Variants in ZNF548 observed in about 807,000 individuals in gnomAD.
The protein encoded by ZNF548 is zinc finger protein 548.
In ZNF548, 10 loss-of-function variants were observed where a neutral mutation model predicts 10.2. The ratio of observed to expected loss-of-function variants is 0.98; its 90% confidence interval spans 0.60 to 1.66. The LOEUF is 1.66. ZNF548 is among the 40% of genes most tolerant of loss of function. The pLI is 0.00. For synonymous variants in ZNF548, 217 were observed against 223.5 expected (o/e 0.97, Z 0.26); for missense variants, 599 against 657.0 (o/e 0.91, Z 0.97).
intron 1 of ZNF548, among the ~76,000 whole-genome samples, chr19:57,391,543 G>A (rs898774275): frequency 1.3e-5 from 2 of 151,888 alleles, no homozygotes; most frequent in African/African-American, 4.8e-5. Context: ...TCTTCATACT[G>A]TTTTCCATTG....
At position 57,402,505 on chromosome 19, in the gene ZNF548, T is replaced by C. The variant is rs944174180; in HGVS notation, c.*2616T>C. ...TCTGTGGGACCCTACCCAAGTTCTC[T>C]CATTCTTAGCTATAGGTAATAAATT... On this transcript the variant is annotated 3_prime_UTR_variant, in exon 4 of 4. Coordinates refer to ENST00000336128, the MANE Select transcript of ZNF548 (RefSeq NM_001172773.2). 9 of 152,246 alleles carry C rather than the reference T, an allele frequency of 5.9e-5. No individual in the cohort carries two copies. The highest frequency in any genetic ancestry group is 1.9e-4 in the African/African-American group (8 of 41,472). 9.4% of individuals were successfully genotyped at this position (152,246 alleles called of 1,614,324 possible). A position where few individuals can be genotyped will look rare whatever the true frequency, so the allele number is the denominator to read the frequency against.
At chr19:57,396,234 G>A (rs2088663620) in intron 2 of ZNF548, among the ~76,000 whole-genome samples, 1 of 152,212 alleles carries the variant, frequency 6.6e-6, no homozygotes, top group African/African-American at 2.4e-5. Flanking sequence ...GCTCAAGGGA[G>A]GAGGATGAGT....
chr19:57,392,948 G>C (rs541116426), intron 1 of ZNF548: 1 of 985,700 alleles, frequency 1.0e-6, no homozygotes, highest in Admixed American at 6.1e-5. Context: ...GCCTGGACTG[G>C]GTAAGCATAT....
chr19:57,399,406 GT>G lies in ZNF548; in HGVS notation c.1158del (p.Phe386LeufsTer135), dbSNP rs748154463. On this transcript the variant is annotated frameshift_variant, in exon 4 of 4. Transcript: ENST00000336128. LOFTEE classifies it low-confidence loss of function (END_TRUNC). This position sits in a 1 kb window ranked among gnomAD's most constrained non-coding sequence, Gnocchi z 4.0. ...ATGAGTGCAGTGTATGTGGGGAATT[GT>G]TTAGGTACAACTCCAGCCTTGTTAA... Reference protein sequence around the residue: ...PYECSVCGELFRYNSSLVKHW... With the variant: ...PYECSVCGELXRYNSSLVKHW... The G allele has an allele frequency of 1.9e-6, 3 of 1,612,772 alleles. No homozygotes were observed. The highest frequency in any genetic ancestry group is 2.5e-6 in the Non-Finnish European group (3 of 1,179,696).
At position 57,399,566 on chromosome 19, in the gene ZNF548, G is replaced by C; in HGVS notation, c.1315G>C (p.Gly439Arg). 1 of 1,613,934 alleles carries C rather than the reference G, an allele frequency of 6.2e-7. No individual in the cohort carries two copies. The highest frequency in any genetic ancestry group is 1.1e-5 in the South Asian group (1 of 91,072). ...AAGGCCTTATGAGTGCAGCGAATGC[G>C]GGAAATTCTTTCGTTACAACTCCAA... Reference protein sequence around the residue: ...GERPYECSECGKFFRYNSNLI... With the variant: ...GERPYECSECRKFFRYNSNLI... The change falls in exon 4 of 4, where the codon GGG (glycine) becomes CGG (arginine). Residue 439 changes from glycine (G) to arginine (R), a missense_variant. Coordinates refer to ENST00000336128, the MANE Select transcript of ZNF548 (RefSeq NM_001172773.2). This position sits in a 1 kb window ranked among gnomAD's most constrained non-coding sequence, Gnocchi z 4.0.
In ZNF548 at chr19:57,398,696, A is replaced by C. The variant is rs2088686151; in HGVS notation, c.445A>C (p.Ile149Leu). Residue 149 changes from isoleucine (I) to leucine (L), a missense_variant, in exon 4 of 4, where the codon ATA (isoleucine) becomes CTA (leucine). Ile to Leu is a conservative substitution (Grantham distance 5). Coordinates refer to ENST00000336128, the MANE Select transcript of ZNF548 (RefSeq NM_001172773.2). ...AAATCTTTCCAGAGGGGATGATTGGATACCTTCATTTGGGAAGAACCACAG... is the reference window on the plus strand; with the variant it reads ...AAATCTTTCCAGAGGGGATGATTGGCTACCTTCATTTGGGAAGAACCACAG... The part of the protein sequence containing the change: ...GENLSRGDDW[I>L]PSFGKNHRVH... The C allele has an allele frequency of 6.2e-7, 1 of 1,614,056 alleles. No homozygotes were observed. Among genetic ancestry groups the C allele is most frequent in the Non-Finnish European group, 8.5e-7 (1 of 1,179,924 alleles).
At chr19:57,393,380 G>A (rs1230656469) in intron 1 of ZNF548, among the ~76,000 whole-genome samples, 2 of 152,036 alleles carry the variant, frequency 1.3e-5, no homozygotes, top group Admixed American at 1.3e-4. Flanking sequence ...CTAAAAGTGA[G>A]CCGGGTGTGG....
Position 57,398,818 on chromosome 19 carries a change from G to A in ZNF548, c.567G>A (p.Glu189=), listed in dbSNP as rs1297111086. The A allele has an allele frequency of 1.2e-6, 2 of 1,613,932 alleles. No individual in the cohort carries two copies. Among genetic ancestry groups the A allele is most frequent in the Admixed American group, 1.7e-5 (1 of 60,004 alleles). Residue 189 remains glutamate (E), a synonymous_variant, in exon 4 of 4, where the codon GAG becomes GAA. Transcript: ENST00000336128. The part of the protein sequence containing the change: ...CLLQHQGPQS[E]WKPYRDTEDR... ...TCCAGCACCAGGGCCCTCAAAGCGA[G>A]TGGAAGCCATACAGGGACACAGAGG...
rs1305968257 is a variant in ZNF548 at position 57,401,271 on chromosome 19, T to C, written c.*1382T>C. 1 of 152,188 alleles carries C rather than the reference T, an allele frequency of 6.6e-6. No individual in the cohort carries two copies. Among genetic ancestry groups the C allele is most frequent in the African/African-American group, 2.4e-5 (1 of 41,442 alleles). 9.4% of individuals were successfully genotyped at this position (152,188 alleles called of 1,614,324 possible). A position where few individuals can be genotyped will look rare whatever the true frequency, so the allele number is the denominator to read the frequency against. ...GATCGAAGCAACCATGGATCAAAAGTATTTGGAGCATCCATGGATTGCAGT... is the reference window on the plus strand; with the variant it reads ...GATCGAAGCAACCATGGATCAAAAGCATTTGGAGCATCCATGGATTGCAGT... On this transcript the variant is annotated 3_prime_UTR_variant, in exon 4 of 4. Coordinates refer to ENST00000336128, the MANE Select transcript of ZNF548 (RefSeq NM_001172773.2).
chr19:57,390,254 G>A, intron 1 of ZNF548, 140 bp downstream of exon 1: 1 of 951,754 alleles, frequency 1.1e-6, no homozygotes, highest in Non-Finnish European at 1.5e-6. Context: ...CCGATTTGAT[G>A]CAGCCTCAGA....
intron 3 of ZNF548, among the ~76,000 whole-genome samples, chr19:57,398,153 G>A (rs1320022960): frequency 3.9e-5 from 6 of 152,206 alleles, no homozygotes; most frequent in Admixed American, 2.0e-4. Context: ...ACCATGGCCT[G>A]TTGATGGCTG....
In ZNF548 at chr19:57,399,132, A is replaced by C. The variant is rs1479028254; in HGVS notation, c.881A>C (p.Glu294Ala). 2.5e-6 allele frequency: 4 copies of C among 1,614,130 alleles called. No individual in the cohort carries two copies. The highest frequency in any genetic ancestry group is 3.4e-6 in the Non-Finnish European group (4 of 1,180,046). ...GTTCACACTGGAGAAAGGCCTTATG[A>C]GTGCAACACATGTGGGAAATTCTTT... ...KRVHTGERPY[E>A]CNTCGKFFRY... Residue 294 changes from glutamate to alanine, a missense_variant, in exon 4 of 4, where the codon GAG (glutamate) becomes GCG (alanine). Coordinates refer to ENST00000336128, the MANE Select transcript of ZNF548 (RefSeq NM_001172773.2). This position sits in a 1 kb window ranked among gnomAD's most constrained non-coding sequence, Gnocchi z 4.0.
At position 57,399,923 on chromosome 19, in the gene ZNF548, C is replaced by T; in HGVS notation, c.*34C>T. 6.8e-7 allele frequency: 1 copy of T among 1,473,262 alleles called. No individual in the cohort carries two copies. The highest frequency in any genetic ancestry group is 2.5e-5 in the East Asian group (1 of 40,756). The allele number at this position is 1,473,262 out of a possible 1,614,324, so 91.3% of individuals were successfully genotyped here. On this transcript the variant is annotated 3_prime_UTR_variant, in exon 4 of 4. Coordinates refer to ENST00000336128, the MANE Select transcript of ZNF548 (RefSeq NM_001172773.2). The surrounding 1 kb of genome is among the most constrained non-coding windows in gnomAD (Gnocchi z 4.0). The stretch of plus-strand genomic sequence containing the variant: ...ATTGGGTAGTAATGTTATATAAATT[C>T]CACATTTTTATGCAACTAATCTCCA...
Position 57,399,366 on chromosome 19 carries a change from C to G in ZNF548, c.1115C>G (p.Thr372Ser). ...CTCATTAGACATCAGAGAATTCACA[C>G]TGGAGAAAGGCCTTATGAGTGCAGT... ...STLIRHQRIHTGERPYECSVC... is the reference protein window; with the variant it reads ...STLIRHQRIHSGERPYECSVC... The change falls in exon 4 of 4, where the codon ACT (threonine) becomes AGT (serine). Residue 372 changes from threonine (T) to serine (S), a missense_variant. By Grantham distance (58) the Thr-to-Ser change is moderately conservative. Coordinates refer to ENST00000336128, the MANE Select transcript of ZNF548 (RefSeq NM_001172773.2). The surrounding 1 kb of genome is among the most constrained non-coding windows in gnomAD (Gnocchi z 4.0). 1.2e-6 allele frequency: 2 copies of G among 1,614,162 alleles called. No homozygotes were observed. The highest frequency in any genetic ancestry group is 1.7e-6 in the Non-Finnish European group (2 of 1,180,006).
Position 57,402,619 on chromosome 19 carries a change from A to G in ZNF548, c.*2730A>G, listed in dbSNP as rs1177635106. On this transcript the variant is annotated 3_prime_UTR_variant, in exon 4 of 4. Coordinates refer to ENST00000336128, the MANE Select transcript of ZNF548 (RefSeq NM_001172773.2). ...GTATTATGAATCTAGTGAATGTTGG[A>G]AAATCTTTAGCCATTAGCATAACCT... 1 of 152,234 alleles carries G rather than the reference A, an allele frequency of 6.6e-6. No homozygotes were observed. The highest frequency in any genetic ancestry group is 2.4e-5 in the African/African-American group (1 of 41,458). The allele number at this position is 152,234 out of a possible 1,614,324, so 9.4% of individuals were successfully genotyped here.
In ZNF548 at chr19:57,395,973, T is replaced by C. The variant is rs190534348; in HGVS notation, c.52-1075T>C. 6.6e-6 allele frequency among the ~76,000 whole-genome samples: 1 copy of C among 151,734 alleles called. No homozygotes were observed. The highest frequency in any genetic ancestry group is 1.5e-5 in the Non-Finnish European group (1 of 67,936). On this transcript the variant is annotated intron_variant, in intron 2 of 3. Transcript: ENST00000336128. The surrounding 1 kb of genome is among the most constrained non-coding windows in gnomAD (Gnocchi z 4.8). ...CAGGGCTTAGGGCTGCCCCCGGTGC[T>C]AGGGGACTTTGGTGTTCTGGGGCAG...
At chr19:57,390,975 A>G (rs1023576677) in intron 1 of ZNF548, 2 of 152,204 alleles carry the variant, frequency 1.3e-5, no homozygotes, top group African/African-American at 2.4e-5. Context: ...GTTTGTTTGC[A>G]TAAATTTAAG....
At chr19:57,397,776 G>T (rs956681425) in intron 3 of ZNF548, among the ~76,000 whole-genome samples, 1 of 152,212 alleles carries the variant, frequency 6.6e-6, no homozygotes, top group African/African-American at 2.4e-5. Flanking sequence ...CATGGCCCTG[G>T]TGCCTGGGAA....
Position 57,395,458 on chromosome 19 carries a change from A to G in ZNF548, c.51+1235A>G, listed in dbSNP as rs978256536. 1.3e-5 allele frequency among the ~76,000 whole-genome samples: 2 copies of G among 152,178 alleles called. No homozygotes were observed. The highest frequency in any genetic ancestry group is 4.8e-5 in the African/African-American group (2 of 41,446). On this transcript the variant is annotated intron_variant, in intron 2 of 3. Transcript: ENST00000336128. The surrounding 1 kb of genome is among the most constrained non-coding windows in gnomAD (Gnocchi z 4.8). ...AAGAAAAGAGGTTTAACCAACTCAC[A>G]GTTCTTCAGGCTTAACAGGAAGCAT...
Sources: gnomAD v4.1 joint callset for allele counts (sites outside exome capture counted in the v4.1 genomes callset) on GRCh38, gnomAD v4.1.1 for gene constraint, Gnocchi (gnomAD v3.1) non-coding constraint, MANE v1.5 for transcripts, NCBI Gene and HGNC (gene_info 2026-07-23, HGNC 2026-07-21) for gene names.